VIPR2: variants seen among roughly 807,000 people sequenced by gnomAD.
The protein encoded by VIPR2 is vasoactive intestinal peptide receptor 2, also known as vasoactive intestinal polypeptide receptor 2.
In VIPR2, 48 loss-of-function variants were observed where a neutral mutation model predicts 58.0. That is an observed-to-expected ratio of 0.83 (90% confidence interval 0.66 to 1.05). The LOEUF (loss-of-function observed/expected upper bound fraction) is 1.05. Among genes scored for constraint, VIPR2 ranks in the 50% least tolerant of loss-of-function variants. The pLI is 0.00. For synonymous variants in VIPR2, 243 were observed against 235.2 expected, an observed-to-expected ratio of 1.03 and a Z score of -0.30; for missense variants, 534 against 558.0, an observed-to-expected ratio of 0.96 and a Z score of 0.43.
chr7:159,081,449 T>C (rs1856894098), intron 4 of VIPR2, among the ~76,000 whole-genome samples: 1 of 151,770 alleles, frequency 6.6e-6, no homozygotes, highest in African/African-American at 2.4e-5. Flanking sequence ...CTTCCTTACA[T>C]CTTATACAAA....
At position 159,096,919 on chromosome 7, in the gene VIPR2, T is replaced by A; in HGVS notation, c.357+6838A>T. 1.9e-6 allele frequency: 3 copies of A among 1,550,744 alleles called. No homozygotes were observed. Among genetic ancestry groups the A allele is most frequent in the Non-Finnish European group, 2.6e-6 (3 of 1,147,058 alleles). ...TGCTGTCCCCGTTCCCATCACTCGA[T>A]GAGCCAATGCCCTCGTGGCTGGCAT... is the stretch of plus-strand genomic sequence containing the variant. On this transcript the variant is annotated intron_variant, in intron 4 of 12. Transcript: ENST00000262178. This position sits in a 1 kb window ranked among gnomAD's most constrained non-coding sequence, Gnocchi z 5.5.
intron 2 of VIPR2, among the ~76,000 whole-genome samples, chr7:159,123,865 C>G (rs117981461): frequency 0.015 from 2,242 of 152,264 alleles, 33 homozygotes; most frequent in Admixed American, 0.033. Flanking sequence ...GAGATGGTAT[C>G]TCATAATGGT....
chr7:159,091,335 G>C (rs1369569903), intron 4 of VIPR2, among the ~76,000 whole-genome samples: 1 of 152,220 alleles, frequency 6.6e-6, no homozygotes, highest in Non-Finnish European at 1.5e-5. Flanking sequence ...CCGTGTCCCT[G>C]TATGGTAAAG....
chr7:159,134,105 A>G (rs1162480318), intron 2 of VIPR2, among the ~76,000 whole-genome samples: 1 of 152,244 alleles, frequency 6.6e-6, no homozygotes, highest in African/African-American at 2.4e-5. Context: ...AATAAGATAA[A>G]CTACTAAAAC....
intron 4 of VIPR2, among the ~76,000 whole-genome samples, chr7:159,076,220 G>A (rs1350448377): frequency 6.6e-6 from 1 of 152,130 alleles, no homozygotes; most frequent in Non-Finnish European, 1.5e-5. Flanking sequence ...TGGCCACTTT[G>A]GGGAACCTTT....
At chr7:159,086,059 C>A (rs1271476888) in intron 4 of VIPR2, among the ~76,000 whole-genome samples, 1 of 152,178 alleles carries the variant, frequency 6.6e-6, no homozygotes, top group Non-Finnish European at 1.5e-5. Flanking sequence ...AACAAGTGCA[C>A]CACATTAACA....
intron 2 of VIPR2, among the ~76,000 whole-genome samples, chr7:159,116,394 G>A (rs925693472): frequency 9.2e-5 from 14 of 152,170 alleles, no homozygotes; most frequent in Admixed American, 4.6e-4. Context: ...GGTTGGCACC[G>A]GCATGGTCAG....
chr7:159,082,425 T>C (rs1358537321), intron 4 of VIPR2, among the ~76,000 whole-genome samples: 4 of 150,228 alleles, frequency 2.7e-5, no homozygotes, highest in African/African-American at 7.4e-5. Flanking sequence ...TGAGAACACA[T>C]GGACACAGGA....
intron 7 of VIPR2, 58 bp downstream of exon 7, chr7:159,036,694 G>T: frequency 6.5e-7 from 1 of 1,550,126 alleles, no homozygotes; most frequent in Non-Finnish European, 8.8e-7. Flanking sequence ...AAATGTTTGC[G>T]TTGTTTGGTC....
In VIPR2 at chr7:159,031,588, G is replaced by A. The variant is rs1338412188; in HGVS notation, c.1143+240C>T. 1.0e-6 allele frequency: 1 copy of A among 985,288 alleles called. No homozygotes were observed. The highest frequency in any genetic ancestry group is 1.2e-6 in the Non-Finnish European group (1 of 829,928). 61.0% of individuals were successfully genotyped at this position (985,288 alleles called of 1,614,324 possible). A position where few individuals can be genotyped will look rare whatever the true frequency, so the allele number is the denominator to read the frequency against. On this transcript the variant is annotated intron_variant, in intron 12 of 12. Transcript: ENST00000262178. This position sits in a 1 kb window ranked among gnomAD's most constrained non-coding sequence, Gnocchi z 4.0. Reference sequence around the variant, plus strand: ...TTCCCGAGAGGGCTCCGAGACGGACGGCAGTCGATGCTACTTAGGGTGGAC... The same window carrying A: ...TTCCCGAGAGGGCTCCGAGACGGACAGCAGTCGATGCTACTTAGGGTGGAC...
chr7:159,135,082 T>C (rs1231906862), intron 2 of VIPR2, among the ~76,000 whole-genome samples: 1 of 147,736 alleles, frequency 6.8e-6, no homozygotes, highest in African/African-American at 2.5e-5. Flanking sequence ...TTTATCAGGA[T>C]AACTTATTAA....
intron 2 of VIPR2, among the ~76,000 whole-genome samples, chr7:159,140,030 G>T (rs550548305): frequency 6.6e-6 from 1 of 152,324 alleles, no homozygotes; most frequent in South Asian, 2.1e-4. Flanking sequence ...TCCCGTAAGA[G>T]AGCTTAGAAT....
Position 159,128,059 on chromosome 7 carries a change from G to A in VIPR2, c.151+14387C>T, listed in dbSNP as rs114764333. The stretch of plus-strand genomic sequence containing the variant: ...CCCCACCTTGCAGCAGGGCCTGACC[G>A]TGGGTCTCGGCAGGAATGGAGCCAG... On this transcript the variant is annotated intron_variant, in intron 2 of 12. Transcript: ENST00000262178. The surrounding 1 kb of genome is among the most constrained non-coding windows in gnomAD (Gnocchi z 4.1). Among the ~76,000 whole-genome samples the A allele has an allele frequency of 0.015, 2,220 of 152,288 alleles. 42 individuals are homozygous for A. The highest frequency in any genetic ancestry group is 0.037 in the African/African-American group (1,522 of 41,576).
intron 2 of VIPR2, among the ~76,000 whole-genome samples, chr7:159,139,572 T>G (rs1797379220): frequency 6.6e-6 from 1 of 152,170 alleles, no homozygotes; most frequent in South Asian, 2.1e-4. Flanking sequence ...TAGTTCAGCA[T>G]CCATTGTTTT....
intron 4 of VIPR2, among the ~76,000 whole-genome samples, chr7:159,101,057 G>A (rs543114086): frequency 2.7e-5 from 4 of 149,706 alleles, no homozygotes; most frequent in East Asian, 2.0e-4. Flanking sequence ...CGACAAGGCC[G>A]TTCCCCCGAC....
At chr7:159,042,748 CT>C (rs896867211) in intron 6 of VIPR2, among the ~76,000 whole-genome samples, 1 of 152,198 alleles carries the variant, frequency 6.6e-6, no homozygotes, top group Non-Finnish European at 1.5e-5. Context: ...AAGGGTGTGC[CT>C]TTCCTCAGTC....
At chr7:159,144,308 A>C in intron 1 of VIPR2, 9 of 1,504,444 alleles carry the variant, frequency 6.0e-6, no homozygotes, top group Non-Finnish European at 8.0e-6. Context: ...CAGTAAGTAC[A>C]GGGAGGGACC....
intron 10 of VIPR2, among the ~76,000 whole-genome samples, chr7:159,032,358 G>T (rs1292034908): frequency 6.6e-6 from 1 of 152,220 alleles, no homozygotes; most frequent in Non-Finnish European, 1.5e-5. Flanking sequence ...TGGCTGGCAG[G>T]GGCAAGATTC....
At chr7:159,052,986 C>T (rs1408982277) in intron 5 of VIPR2, among the ~76,000 whole-genome samples, 1 of 152,188 alleles carries the variant, frequency 6.6e-6, no homozygotes, top group African/African-American at 2.4e-5. Context: ...TGTTTGCTAT[C>T]ACCACTTCTA....
Sources: gnomAD v4.1 joint callset for allele counts (sites outside exome capture counted in the v4.1 genomes callset) on GRCh38, gnomAD v4.1.1 for gene constraint, Gnocchi (gnomAD v3.1) non-coding constraint, MANE v1.5 for transcripts, NCBI Gene and HGNC (gene_info 2026-07-23, HGNC 2026-07-21) for gene names.